Variants in ANAPC15 observed in about 807,000 individuals in gnomAD.
ANAPC15 encodes anaphase-promoting complex subunit 15.
Under a neutral mutation model 19.8 loss-of-function variants are expected in ANAPC15, and 13 were observed. The ratio of observed to expected loss-of-function variants is 0.66; its 90% confidence interval spans 0.43 to 1.04. ANAPC15 has a LOEUF of 1.04. Among genes scored for constraint, ANAPC15 ranks in the 50% least tolerant of loss-of-function variants. The pLI, the probability that ANAPC15 is intolerant of heterozygous loss-of-function variation, is 0.00. For missense variants in ANAPC15, 88 were observed against 150.3 expected, an observed-to-expected ratio of 0.59 and a Z score of 2.17; for synonymous variants, 45 against 50.7, an observed-to-expected ratio of 0.89 and a Z score of 0.47.
chr11:72,110,017 C>A, intron 5 of ANAPC15, 71 bp downstream of exon 5: 1 of 1,613,876 alleles, frequency 6.2e-7, no homozygotes, highest in Non-Finnish European at 8.5e-7. Flanking sequence ...GGTTTCTGTA[C>A]CCCTTGGCCA....
chr11:72,110,409 T>C lies in ANAPC15; in HGVS notation c.180+135A>G, dbSNP rs550446274. ...TGCTAGGCCCAATGCCCACCCCTTCTATCTCCCCTTTTAGGCTTTTACCCA... is the reference window on the plus strand; with the variant it reads ...TGCTAGGCCCAATGCCCACCCCTTCCATCTCCCCTTTTAGGCTTTTACCCA... On this transcript the variant is annotated intron_variant, in intron 4 of 5. Transcript: ENST00000227618. 212 of 1,507,890 alleles carry C rather than the reference T, an allele frequency of 1.4e-4. No individual in the cohort carries two copies. The African/African-American group carries it at 2.6e-3, about 18-fold the overall frequency. The allele number at this position is 1,507,890 out of a possible 1,614,324, so 93.4% of individuals were successfully genotyped here.
At chr11:72,108,499 G>C, downstream of ANAPC15, 2 of 979,020 alleles carry the variant, frequency 2.0e-6, no homozygotes, top group Non-Finnish European at 2.9e-6. Flanking sequence ...AACACTCATG[G>C]GAAGCTAAGC....
At chr11:72,107,095 C>T, downstream of ANAPC15, 1 of 278,176 alleles carries the variant, frequency 3.6e-6, no homozygotes, top group Admixed American at 5.4e-5. Context: ...GCAAGACCCC[C>T]GTTTCTACAA....
At chr11:72,112,721 A>C (rs1398006457), upstream of ANAPC15, 1 of 456,592 alleles carries the variant, frequency 2.2e-6, no homozygotes, top group Admixed American at 2.3e-5. Flanking sequence ...ACCCACCAGA[A>C]TCCGGGACTC....
At chr11:72,112,598 A>G (rs1003113213) in intron 1 of ANAPC15, 52 bp downstream of exon 1, 4 of 444,018 alleles carry the variant, frequency 9.0e-6, no homozygotes, top group African/African-American at 6.1e-5. Context: ...TCTCTGGGGG[A>G]AAAAGGAATG....
downstream of ANAPC15, chr11:72,107,593 C>T (rs1326524014): frequency 1.4e-6 from 1 of 691,032 alleles, no homozygotes; most frequent in East Asian, 2.7e-5. Context: ...GTGGGAAGTA[C>T]TGAGAGATGA....
chr11:72,110,528 T>G lies in ANAPC15; in HGVS notation c.180+16A>C. On this transcript the variant is annotated intron_variant, in intron 4 of 5. Coordinates refer to ENST00000227618, the MANE Select transcript of ANAPC15 (RefSeq NM_014042.3). Reference sequence around the variant, plus strand: ...CTGCGGCCCCCACACAGGCCCCACCTGCTAGAGCCACTCACCTCTGAGGCT... The same window carrying G: ...CTGCGGCCCCCACACAGGCCCCACCGGCTAGAGCCACTCACCTCTGAGGCT... 6.2e-7 allele frequency: 1 copy of G among 1,614,150 alleles called. No homozygotes were observed. The highest frequency in any genetic ancestry group is 8.5e-7 in the Non-Finnish European group (1 of 1,179,984).
intron 2 of ANAPC15, 34 bp downstream of exon 2, chr11:72,111,378 G>GA (rs1946898814): frequency 1.0e-6 from 1 of 959,688 alleles, no homozygotes; most frequent in Non-Finnish European, 1.6e-6. Context: ...AAGACAGCAG[G>GA]AAAGCAGCCC....
At chr11:72,111,117 C>CTT in intron 3 of ANAPC15, 40 bp downstream of exon 3, 1 of 1,376,304 alleles carries the variant, frequency 7.3e-7, no homozygotes. Context: ...AGGTCTCTGT[C>CTT]TGTGCTGAGG....
At chr11:72,111,086 TG>T in intron 3 of ANAPC15, 70 bp downstream of exon 3, 1 of 994,482 alleles carries the variant, frequency 1.0e-6, no homozygotes, top group Non-Finnish European at 1.5e-6. Flanking sequence ...GGAGTAAGGC[TG>T]GGTCATGGCC....
intron 1 of ANAPC15, 81 bp downstream of exon 1, chr11:72,112,568 CG>C (rs1237382529): frequency 1.2e-5 from 5 of 424,770 alleles, no homozygotes; most frequent in African/African-American, 1.0e-4. Context: ...CCTGGGGAGT[CG>C]GGTCAAAGGA....
intron 1 of ANAPC15, 26 bp downstream of exon 1, chr11:72,112,624 G>C (rs1294814120): frequency 2.2e-6 from 1 of 455,124 alleles, no homozygotes; most frequent in Non-Finnish European, 4.4e-6. Flanking sequence ...GCAAGGAGAC[G>C]GTTGCAGCCT....
downstream of ANAPC15, chr11:72,109,403 G>A: frequency 4.4e-6 from 2 of 458,452 alleles, no homozygotes; most frequent in Admixed American, 4.8e-5. Flanking sequence ...CTGGATGCAA[G>A]CTGGGCCAGA....
downstream of ANAPC15, chr11:72,106,959 AAAAAG>A (rs1411461616): frequency 6.0e-5 from 9 of 149,160 alleles, no homozygotes; most frequent in East Asian, 2.0e-4. Context: ...AAAAAAAAAG[AAAAAG>A]AAAAGAAAAG....
downstream of ANAPC15, chr11:72,108,708 G>A (rs1945995229): frequency 9.0e-6 from 14 of 1,549,268 alleles, no homozygotes; most frequent in Non-Finnish European, 1.2e-5. Context: ...CGGCCACGAT[G>A]TTACCTGAGG....
chr11:72,109,087 C>A, downstream of ANAPC15: 1 of 636,182 alleles, frequency 1.6e-6, no homozygotes, highest in Non-Finnish European at 2.7e-6. Context: ...CTACACTGAC[C>A]TCAAGTGTCA....
downstream of ANAPC15, chr11:72,107,237 A>G (rs1945775652): frequency 3.4e-6 from 2 of 587,454 alleles, no homozygotes; most frequent in Non-Finnish European, 3.0e-6. Flanking sequence ...ACTGCACTCC[A>G]GCCTGGGCAA....
downstream of ANAPC15, chr11:72,108,478 G>A (rs1420641869): frequency 2.6e-6 from 2 of 775,376 alleles, no homozygotes; most frequent in Non-Finnish European, 3.9e-6. Flanking sequence ...TGAGGTCAGA[G>A]GAAATGTGAG....
rs147594350 is a variant in ANAPC15 at position 72,110,179 on chromosome 11, C to G, written c.227G>C (p.Ser76Thr). ...EEEDDEDDED[S>T]EEDSEDDEDM... ...CTCATCATCCTCTGAGTCCTCTTCA[C>G]TATCCTCATCATCTTCATCATCCTC... Residue 76 changes from serine (S) to threonine (T), a missense_variant, in exon 5 of 6, where the codon AGT (serine) becomes ACT (threonine). Ser to Thr is a moderately conservative substitution (Grantham distance 58). Coordinates refer to ENST00000227618, the MANE Select transcript of ANAPC15 (RefSeq NM_014042.3). The G allele has an allele frequency of 1.7e-5, 27 of 1,614,156 alleles. No homozygotes were observed. The highest frequency in any genetic ancestry group is 1.3e-4 in the East Asian group (6 of 44,876).
Sources: gnomAD v4.1 joint callset for allele counts on GRCh38, gnomAD v4.1.1 for gene constraint, MANE v1.5 for transcripts, NCBI Gene and HGNC (gene_info 2026-07-23, HGNC 2026-07-21) for gene names.